SLIT3: variants seen among roughly 807,000 people sequenced by gnomAD.
The protein encoded by SLIT3 is slit homolog 3 protein.
SLIT3 carries 68 observed loss-of-function variants against 184.0 expected under a neutral mutation model. That is an observed-to-expected ratio of 0.37 (90% CI 0.30 to 0.45). The LOEUF (loss-of-function observed/expected upper bound fraction) is 0.45. Among genes scored for constraint, SLIT3 ranks in the 20% least tolerant of loss-of-function variants. The pLI is 1.00. For missense variants in SLIT3, 1,707 were observed against 2,026.0 expected (o/e 0.84, Z 3.02); for synonymous variants, 831 against 828.6 (o/e 1.00, Z -0.05).
chr5:169,098,901 G>A (rs753874484), intron 4 of SLIT3, among the ~76,000 whole-genome samples: 4 of 152,058 alleles, frequency 2.6e-5, no homozygotes, highest in Admixed American at 6.6e-5. Context: ...ACATTCCAGC[G>A]GGTAGGAGGG....
At chr5:168,925,266 C>A (rs1427091453) in intron 4 of SLIT3, among the ~76,000 whole-genome samples, 1 of 152,134 alleles carries the variant, frequency 6.6e-6, no homozygotes, top group African/African-American at 2.4e-5. Context: ...GAGTAACTTG[C>A]AGGAATAGCA....
intron 1 of SLIT3, among the ~76,000 whole-genome samples, chr5:169,270,582 C>T (rs1766568211): frequency 1.3e-5 from 2 of 152,078 alleles, no homozygotes; most frequent in Admixed American, 6.6e-5. Flanking sequence ...TGTGTAGCTG[C>T]CACTGAGACT....
At chr5:169,041,322 G>A (rs1037366622) in intron 4 of SLIT3, among the ~76,000 whole-genome samples, 3 of 152,164 alleles carry the variant, frequency 2.0e-5, no homozygotes, top group East Asian at 1.9e-4. Context: ...CCTTGTTCTC[G>A]TGGATCTCAG....
chr5:168,922,749 A>G (rs1761680558), intron 4 of SLIT3, among the ~76,000 whole-genome samples: 1 of 152,156 alleles, frequency 6.6e-6, no homozygotes, highest in Admixed American at 6.5e-5. Flanking sequence ...GCAGTGATGT[A>G]TCAACTGATG....
At chr5:168,962,501 C>G (rs1763049518) in intron 4 of SLIT3, among the ~76,000 whole-genome samples, 1 of 151,982 alleles carries the variant, frequency 6.6e-6, no homozygotes, top group South Asian at 2.1e-4. Context: ...TCCGAGCAAG[C>G]TTTCTATATT....
chr5:168,817,349 C>T lies in SLIT3; in HGVS notation c.744G>A (p.Leu248=). ...GCACATCCGCCACGTTGAAGCCCCTCAAATGCACAGGAGCCATGCAGAGTG... is the reference window on the plus strand; with the variant it reads ...GCACATCCGCCACGTTGAAGCCCCTTAAATGCACAGGAGCCATGCAGAGTG... ...QFTLCMAPVH[L]RGFNVADVQK... Residue 248 remains leucine (L), a synonymous_variant, in exon 8 of 36, where the codon TTG becomes TTA. Coordinates refer to ENST00000519560, the MANE Select transcript of SLIT3 (RefSeq NM_003062.4). 1 of 1,614,200 alleles carries T rather than the reference C, an allele frequency of 6.2e-7. No homozygotes were observed. The highest frequency in any genetic ancestry group is 1.3e-5 in the African/African-American group (1 of 75,038).
chr5:168,823,676 C>T (rs1173173114), intron 6 of SLIT3, among the ~76,000 whole-genome samples: 1 of 152,136 alleles, frequency 6.6e-6, no homozygotes, highest in Admixed American at 6.5e-5. Context: ...CTATTCCTGT[C>T]CTCGGTTTAT....
rs1258721708 is a variant in SLIT3 at position 168,723,015 on chromosome 5, T to C, written c.2340-11A>G. 6.2e-7 allele frequency: 1 copy of C among 1,609,140 alleles called. No homozygotes were observed. Among genetic ancestry groups the C allele is most frequent in the Admixed American group, 1.7e-5 (1 of 60,006 alleles). On this transcript the variant is annotated splice_polypyrimidine_tract_variant and intron_variant, in intron 21 of 35. Transcript: ENST00000519560. ...TTGTTGCTCAGGTCACTAGGAAAAGTAAAACAGAGGGGTCATGCTTTTGTC... is the reference window on the plus strand; with the variant it reads ...TTGTTGCTCAGGTCACTAGGAAAAGCAAAACAGAGGGGTCATGCTTTTGTC...
intron 5 of SLIT3, among the ~76,000 whole-genome samples, chr5:168,870,982 A>G (rs1008387391): frequency 6.6e-6 from 1 of 152,206 alleles, no homozygotes; most frequent in African/African-American, 2.4e-5. Context: ...ACGAATTACC[A>G]CAAACTGAGC....
At chr5:169,274,692 CTGAGTGG>C (rs1340909633) in intron 1 of SLIT3, among the ~76,000 whole-genome samples, 1 of 152,238 alleles carries the variant, frequency 6.6e-6, no homozygotes, top group Non-Finnish European at 1.5e-5. Flanking sequence ...GCTTCCAAGA[CTGAGTGG>C]TGAGAAAACA....
chr5:168,982,024 TATG>T (rs1754966045), intron 4 of SLIT3, among the ~76,000 whole-genome samples: 1 of 152,238 alleles, frequency 6.6e-6, no homozygotes, highest in Non-Finnish European at 1.5e-5. Flanking sequence ...ACCACCTATA[TATG>T]ATATTAACCA....
At chr5:168,669,460 G>A (rs1195486734) in intron 35 of SLIT3, among the ~76,000 whole-genome samples, 1 of 152,198 alleles carries the variant, frequency 6.6e-6, no homozygotes, top group Non-Finnish European at 1.5e-5. Flanking sequence ...CCATGGCTGT[G>A]TAGAATGCAA....
intron 3 of SLIT3, among the ~76,000 whole-genome samples, chr5:169,208,969 C>T (rs1483850655): frequency 2.0e-5 from 3 of 152,154 alleles, no homozygotes; most frequent in Non-Finnish European, 4.4e-5. Flanking sequence ...TCTAATTAAA[C>T]TAAAGTGCTT....
chr5:169,130,821 A>C (rs1349362512), intron 4 of SLIT3, among the ~76,000 whole-genome samples: 5 of 152,238 alleles, frequency 3.3e-5, no homozygotes, highest in Non-Finnish European at 7.3e-5. Flanking sequence ...AACTAGACTG[A>C]TCATGTGTCA....
At chr5:169,175,685 AC>A (rs1762960773) in intron 4 of SLIT3, among the ~76,000 whole-genome samples, 1 of 152,172 alleles carries the variant, frequency 6.6e-6, no homozygotes, top group Non-Finnish European at 1.5e-5. Flanking sequence ...TGCAAGAGGT[AC>A]TTTTGGTCTC....
At chr5:169,152,810 G>A (rs1343445824) in intron 4 of SLIT3, among the ~76,000 whole-genome samples, 1 of 152,134 alleles carries the variant, frequency 6.6e-6, no homozygotes, top group Non-Finnish European at 1.5e-5. Flanking sequence ...CAGACTCAGA[G>A]TGTGAGGGGC....
intron 4 of SLIT3, among the ~76,000 whole-genome samples, chr5:169,097,788 A>C (rs1166620175): frequency 6.6e-6 from 1 of 152,170 alleles, no homozygotes; most frequent in Non-Finnish European, 1.5e-5. Flanking sequence ...AAAAGGTCCC[A>C]GATGCTGCTT....
intron 26 of SLIT3, among the ~76,000 whole-genome samples, chr5:168,703,416 C>T (rs1275600505): frequency 1.3e-5 from 2 of 152,132 alleles, no homozygotes; most frequent in Admixed American, 6.5e-5. Flanking sequence ...AGCATTACCA[C>T]CTGAGCTCCG....
chr5:168,803,172 C>T (rs1370220444), intron 9 of SLIT3, among the ~76,000 whole-genome samples: 1 of 152,130 alleles, frequency 6.6e-6, no homozygotes, highest in Non-Finnish European at 1.5e-5. Context: ...TATAATTATA[C>T]AATAATTACA....
Sources: allele counts gnomAD v4.1 joint callset (sites outside exome capture counted in the v4.1 genomes callset), GRCh38; gene constraint gnomAD v4.1.1; transcripts MANE v1.5; gene names NCBI Gene and HGNC (gene_info 2026-07-23, HGNC 2026-07-21).